ZNF143: variants seen among roughly 807,000 people sequenced by gnomAD.
ZNF143 encodes the protein SPH-binding factor.
In ZNF143, 49 loss-of-function variants were observed where a neutral mutation model predicts 74.1. The observed-to-expected ratio is 0.66, with a 90% CI of 0.53 to 0.84. ZNF143 has a LOEUF of 0.84. ZNF143 is among the 40% of genes least tolerant of loss of function. The pLI, the probability that ZNF143 is intolerant of heterozygous loss-of-function variation, is 0.00. For synonymous variants in ZNF143, 304 were observed against 282.8 expected (o/e 1.07, Z -0.75); for missense variants, 637 against 793.4 (o/e 0.80, Z 2.37).
At chr11:9,501,457 T>C (rs111766359) in intron 11 of ZNF143, among the ~76,000 whole-genome samples, 187 bp downstream of exon 11, 2 of 152,304 alleles carry the variant, frequency 1.3e-5, no homozygotes, top group African/African-American at 4.8e-5. Flanking sequence ...AAACAGTTAT[T>C]GAGTATCTCC....
At chr11:9,527,366 A>G (rs1218687043) in intron 15 of ZNF143, among the ~76,000 whole-genome samples, 164 bp from the exon 16 acceptor site, 1 of 152,236 alleles carries the variant, frequency 6.6e-6, no homozygotes, top group Admixed American at 6.5e-5. Flanking sequence ...CCTGCAGGAA[A>G]TTGTTTTGTT....
Position 9,500,650 on chromosome 11 carries a change from G to A in ZNF143, c.968-441G>A, listed in dbSNP as rs570651861. On this transcript the variant is annotated intron_variant, in intron 10 of 15. Coordinates refer to ENST00000396602, the MANE Select transcript of ZNF143 (RefSeq NM_003442.6). ...GGGTTTCACCATGTTGGCCAGGCTG[G>A]TCAAAACACCATATTTTTAAAGAGC... 4.9e-4 allele frequency among the ~76,000 whole-genome samples: 75 copies of A among 152,226 alleles called. No individual in the cohort carries two copies. In the South Asian group the frequency reaches 0.015, roughly 31 times the overall value.
At chr11:9,486,436 T>TA (rs1847540140) in intron 7 of ZNF143, among the ~76,000 whole-genome samples, 2 of 45,740 alleles carry the variant, frequency 4.4e-5, no homozygotes, top group African/African-American at 7.0e-5. Context: ...ATATTATATA[T>TA]ATAATATATT....
chr11:9,527,229 C>T (rs558667954), intron 15 of ZNF143, among the ~76,000 whole-genome samples: 1 of 152,326 alleles, frequency 6.6e-6, no homozygotes, highest in African/African-American at 2.4e-5. Flanking sequence ...GCCTCCACCT[C>T]CCAAAGTGTT....
chr11:9,482,063 C>T (rs1484576870), intron 7 of ZNF143, among the ~76,000 whole-genome samples: 5 of 146,636 alleles, frequency 3.4e-5, no homozygotes, highest in East Asian at 2.1e-4. Flanking sequence ...CTCTGCCTCC[C>T]GGGTTCACGC....
intron 7 of ZNF143, among the ~76,000 whole-genome samples, chr11:9,486,424 ATATATT>A (rs1847533552): frequency 2.1e-5 from 1 of 46,638 alleles, no homozygotes; most frequent in Non-Finnish European, 4.1e-5. Flanking sequence ...TATATATTAT[ATATATT>A]ATATATATAA....
intron 12 of ZNF143, among the ~76,000 whole-genome samples, chr11:9,511,643 G>A (rs1330133367): frequency 6.6e-6 from 1 of 151,666 alleles, no homozygotes; most frequent in Non-Finnish European, 1.5e-5. Context: ...TCTCCATGTT[G>A]GTCAGACTGG....
intron 9 of ZNF143, among the ~76,000 whole-genome samples, chr11:9,497,297 C>A (rs550211071): frequency 5.3e-5 from 8 of 152,274 alleles, no homozygotes; most frequent in Admixed American, 4.6e-4. Flanking sequence ...GTGACGTGAT[C>A]TCGGCTCCCT....
chr11:9,468,088 CT>C (rs1439244353), intron 1 of ZNF143, among the ~76,000 whole-genome samples: 5 of 152,136 alleles, frequency 3.3e-5, no homozygotes, highest in African/African-American at 4.8e-5. Context: ...GAATCTCTTT[CT>C]TTTCTCTGCT....
At chr11:9,501,812 T>C (rs1194729139) in intron 11 of ZNF143, among the ~76,000 whole-genome samples, 1 of 151,550 alleles carries the variant, frequency 6.6e-6, no homozygotes, top group African/African-American at 2.4e-5. Flanking sequence ...TTGTACAAGG[T>C]GAGTTCTGAG....
intron 12 of ZNF143, among the ~76,000 whole-genome samples, chr11:9,509,482 A>G (rs1432353705): frequency 6.6e-6 from 1 of 152,244 alleles, no homozygotes; most frequent in Non-Finnish European, 1.5e-5. Context: ...TTTCAGATAA[A>G]TAAGCATAGG....
chr11:9,463,456 T>G (rs943669306), intron 1 of ZNF143, among the ~76,000 whole-genome samples: 2 of 152,204 alleles, frequency 1.3e-5, no homozygotes, highest in Non-Finnish European at 2.9e-5. Flanking sequence ...TCATCAGTCT[T>G]TTTGATTATA....
intron 7 of ZNF143, among the ~76,000 whole-genome samples, chr11:9,482,370 A>G (rs1377883399): frequency 6.7e-6 from 1 of 149,046 alleles, no homozygotes; most frequent in Non-Finnish European, 1.5e-5. Context: ...TCCCGGGTTC[A>G]CGCCATTCTC....
At position 9,508,650 on chromosome 11, in the gene ZNF143, G is replaced by C; in HGVS notation, c.1179G>C (p.Gly393=). 1 of 1,613,268 alleles carries C rather than the reference G, an allele frequency of 6.2e-7. No individual in the cohort carries two copies. The highest frequency in any genetic ancestry group is 8.5e-7 in the Non-Finnish European group (1 of 1,180,004). Residue 393 remains glycine (G), a synonymous_variant, in exon 12 of 16, where the codon GGG becomes GGC. Transcript: ENST00000396602. Reference sequence around the variant, plus strand: ...AGCCATATGTTTGTACAGTTCCTGGGTGTGACAAAAGGTTTACAGAATATT... The same window carrying C: ...AGCCATATGTTTGTACAGTTCCTGGCTGTGACAAAAGGTTTACAGAATATT... ...GEKPYVCTVP[G]CDKRFTEYSS...
intron 7 of ZNF143, among the ~76,000 whole-genome samples, chr11:9,488,905 A>G (rs919798257): frequency 6.6e-6 from 1 of 152,120 alleles, no homozygotes; most frequent in East Asian, 1.9e-4. Context: ...AAAAAAAAAG[A>G]TTTATTTGGG....
chr11:9,516,244 T>C lies in ZNF143; in HGVS notation c.1568T>C (p.Ile523Thr). Residue 523 changes from isoleucine (I) to threonine (T), a missense_variant, in exon 14 of 16, where the codon ATC becomes ACC. Physicochemically the swap from Ile to Thr is moderately conservative, Grantham distance 89. Around this residue, in one of 2 missense-constraint regions of ZNF143, gnomAD observed 344 missense variants for 485.6 expected, o/e 0.71. Transcript: ENST00000396602. ...QADMQAIGNTITMVTQDGTPI... is the reference protein window; with the variant it reads ...QADMQAIGNTTTMVTQDGTPI... ...GACATGCAGGCCATTGGCAACACCA[T>C]CACAATGGTAACGCAGGATGGCACG... The C allele has an allele frequency of 1.2e-6, 2 of 1,614,042 alleles. No homozygotes were observed. The highest frequency in any genetic ancestry group is 1.7e-6 in the Non-Finnish European group (2 of 1,179,964).
chr11:9,521,918 T>G lies in ZNF143; in HGVS notation c.1687-3322T>G, dbSNP rs192319273. Among the ~76,000 whole-genome samples the G allele has an allele frequency of 1.8e-3, 275 of 151,822 alleles. 1 individual carries two copies. The highest frequency in any genetic ancestry group is 2.8e-3 in the Non-Finnish European group (193 of 67,934). On this transcript the variant is annotated intron_variant, in intron 14 of 15. Coordinates refer to ENST00000396602, the MANE Select transcript of ZNF143 (RefSeq NM_003442.6). ...CCCATCTCTACTAAAAATACAAAAT[T>G]AGCCAGGTGTGGTGGCGCATGCCAG...
intron 1 of ZNF143, among the ~76,000 whole-genome samples, chr11:9,462,281 G>C (rs986732052): frequency 2.0e-5 from 3 of 148,220 alleles, no homozygotes; most frequent in African/African-American, 7.5e-5. Flanking sequence ...TTGCTTTACA[G>C]ATGCCCGCCT....
intron 1 of ZNF143, among the ~76,000 whole-genome samples, chr11:9,461,286 C>A (rs1451723848): frequency 6.6e-6 from 1 of 152,116 alleles, no homozygotes; most frequent in Non-Finnish European, 1.5e-5. Flanking sequence ...CCACTCTAGG[C>A]GGCGGAGCTT....
Sources: gnomAD v4.1 joint callset for allele counts (sites outside exome capture counted in the v4.1 genomes callset) on GRCh38, gnomAD v4.1.1 for gene constraint, gnomAD v4.1.1 regional missense constraint, MANE v1.5 for transcripts, NCBI Gene and HGNC (gene_info 2026-07-23, HGNC 2026-07-21) for gene names.